The following NBAS variants were observed in gnomAD, a reference collection of about 807,000 sequenced individuals.
NBAS encodes the protein NBAS subunit of NRZ tethering complex.
Under a neutral mutation model 302.5 loss-of-function variants are expected in NBAS, and 219 were observed. That is an observed-to-expected ratio of 0.72 (90% CI 0.65 to 0.81). The LOEUF is 0.81. Among genes scored for constraint, NBAS ranks in the 30% least tolerant of loss-of-function variants. NBAS has a pLI of 0.00. For missense variants in NBAS, 2,932 were observed against 2,841.6 expected (o/e 1.03, Z -0.72); for synonymous variants, 1,118 against 1,021.6 (o/e 1.09, Z -1.80).
At chr2:14,994,352 G>A in the NBAS span, among the ~76,000 whole-genome samples, 3 of 152,212 alleles carry the variant, frequency 2.0e-5, no homozygotes. Context: ...GAGAGAGGAG[G>A]AGGTAGAATT....
chr2:14,994,615 A>C, the NBAS span, among the ~76,000 whole-genome samples: 6 of 152,182 alleles, frequency 3.9e-5, no homozygotes, highest in African/African-American at 1.4e-4. Context: ...GGGAGCAGCT[A>C]TTCCCCTCAC....
intron 38 of NBAS, among the ~76,000 whole-genome samples, chr2:15,312,507 C>T (rs924264010): frequency 2.6e-5 from 4 of 152,018 alleles, no homozygotes; most frequent in African/African-American, 7.3e-5. Flanking sequence ...GAACTGATGG[C>T]CTCAAGTGAT....
At chr2:15,272,126 C>A (rs755943944) in intron 44 of NBAS, among the ~76,000 whole-genome samples, 12 of 152,088 alleles carry the variant, frequency 7.9e-5, no homozygotes, top group Non-Finnish European at 1.3e-4. Flanking sequence ...AAGTGAAGAG[C>A]CTTCTCTGGT....
chr2:14,795,034 G>A, the NBAS span, among the ~76,000 whole-genome samples: 1 of 151,920 alleles, frequency 6.6e-6, no homozygotes, highest in Non-Finnish European at 1.5e-5. Context: ...CCAGTTTTTG[G>A]TTATTTCATA....
chr2:15,496,130 T>C (rs758554963), intron 11 of NBAS, among the ~76,000 whole-genome samples: 5 of 129,640 alleles, frequency 3.9e-5, no homozygotes, highest in African/African-American at 5.7e-5. Context: ...ACACACACAA[T>C]GGGCTATTAT....
chr2:14,966,331 T>A, the NBAS span, among the ~76,000 whole-genome samples: 1 of 152,182 alleles, frequency 6.6e-6, no homozygotes, highest in Admixed American at 6.5e-5. Context: ...CGTTTGAAAA[T>A]CAATTAATGT....
the NBAS span, among the ~76,000 whole-genome samples, chr2:15,081,442 C>T: frequency 3.3e-5 from 5 of 152,192 alleles, no homozygotes; most frequent in Non-Finnish European, 7.3e-5. Flanking sequence ...ATATACCATA[C>T]TTATACATTT....
chr2:15,226,652 C>T (rs750460584), intron 47 of NBAS, among the ~76,000 whole-genome samples: 11 of 152,040 alleles, frequency 7.2e-5, no homozygotes, highest in African/African-American at 2.7e-4. Flanking sequence ...GAGGCAAGAA[C>T]GTGGTTAAAC....
At chr2:15,520,467 C>T (rs902653142) in intron 9 of NBAS, among the ~76,000 whole-genome samples, 1 of 152,108 alleles carries the variant, frequency 6.6e-6, no homozygotes, top group Admixed American at 6.5e-5. Flanking sequence ...ACCTCCCAAA[C>T]AGAACTAGAC....
intron 35 of NBAS, among the ~76,000 whole-genome samples, chr2:15,332,776 G>A (rs73197059): frequency 0.012 from 1,864 of 152,290 alleles, 36 homozygotes; most frequent in African/African-American, 0.042. Context: ...CTCCTCCTGG[G>A]TTCCAGATTG....
chr2:15,233,369 G>A (rs1356377972), intron 46 of NBAS, among the ~76,000 whole-genome samples: 2 of 152,120 alleles, frequency 1.3e-5, no homozygotes, highest in African/African-American at 4.8e-5. Flanking sequence ...TATAATTTAT[G>A]TCAAAAATTT....
intron 48 of NBAS, among the ~76,000 whole-genome samples, chr2:15,195,198 A>G (rs747564216): frequency 6.6e-6 from 1 of 152,214 alleles, no homozygotes; most frequent in South Asian, 2.1e-4. Flanking sequence ...CCACTGTGAT[A>G]GGATTAAGAG....
At chr2:15,123,878 G>A in the NBAS span, among the ~76,000 whole-genome samples, 1 of 152,182 alleles carries the variant, frequency 6.6e-6, no homozygotes, top group Non-Finnish European at 1.5e-5. Context: ...ATATTGAAGA[G>A]TAGGGCATTG....
At chr2:15,500,780 C>T (rs1175484864) in intron 11 of NBAS, among the ~76,000 whole-genome samples, 3 of 151,152 alleles carry the variant, frequency 2.0e-5, no homozygotes, top group African/African-American at 7.3e-5. Flanking sequence ...AAAAATCAGC[C>T]GGGCGTGGGG....
At chr2:15,101,512 A>G in the NBAS span, among the ~76,000 whole-genome samples, 2 of 152,060 alleles carry the variant, frequency 1.3e-5, no homozygotes, top group African/African-American at 4.8e-5. Context: ...ATATATAGTA[A>G]TAGATATAAA....
chr2:14,801,774 G>C, the NBAS span, among the ~76,000 whole-genome samples: 1 of 152,106 alleles, frequency 6.6e-6, no homozygotes, highest in Admixed American at 6.5e-5. Context: ...TTTGCTGAGG[G>C]ATGTGATTAA....
chr2:15,218,652 T>G, intron 48 of NBAS, 121 bp downstream of exon 48: 1 of 1,296,540 alleles, frequency 7.7e-7, no homozygotes, highest in South Asian at 1.2e-5. Context: ...GGTCTTGAAC[T>G]CCTGGCCTCA....
the NBAS span, among the ~76,000 whole-genome samples, chr2:14,985,069 C>T: frequency 1.3e-5 from 2 of 152,234 alleles, no homozygotes; most frequent in Admixed American, 1.3e-4. Flanking sequence ...TATAAAAACC[C>T]ATGTCTGGAA....
At chr2:15,028,385 A>G in the NBAS span, among the ~76,000 whole-genome samples, 8 of 152,236 alleles carry the variant, frequency 5.3e-5, no homozygotes, top group Non-Finnish European at 8.8e-5. Flanking sequence ...TTGGAGAACT[A>G]TTATCTAATG....
Sources: gnomAD v4.1 joint callset for allele counts (sites outside exome capture counted in the v4.1 genomes callset) on GRCh38, gnomAD v4.1.1 for gene constraint, MANE v1.5 for transcripts, NCBI Gene and HGNC (gene_info 2026-07-23, HGNC 2026-07-21) for gene names.